DLEC1: variants seen among roughly 807,000 people sequenced by gnomAD.
DLEC1 encodes DLEC1 cilia and flagella associated protein, also known as deleted in lung and esophageal cancer protein 1.
DLEC1 carries 146 observed loss-of-function variants against 198.1 expected under a neutral mutation model. The ratio of observed to expected loss-of-function variants is 0.74; its 90% CI spans 0.64 to 0.85. The LOEUF (loss-of-function observed/expected upper bound fraction) is 0.85. Ranked by LOEUF, DLEC1 falls within the 40% of genes least tolerant of loss-of-function variation. DLEC1 has a pLI of 0.00. For synonymous variants in DLEC1, 897 were observed against 866.8 expected (o/e 1.03, Z -0.61); for missense variants, 2,233 against 2,220.0 (o/e 1.01, Z -0.12).
chr3:38,040,856 T>G (rs1308925286), intron 1 of DLEC1, among the ~76,000 whole-genome samples: 2 of 152,208 alleles, frequency 1.3e-5, no homozygotes, highest in East Asian at 1.9e-4. Flanking sequence ...AAATTTTTTT[T>G]TTTGACAGAG....
rs186959386 is a variant in DLEC1, at chr3:38,044,869, G to A, written c.412-674G>A. 1.7e-3 allele frequency among the ~76,000 whole-genome samples: 264 copies of A among 152,310 alleles called. 5 individuals carry two copies. Among genetic ancestry groups the A allele is most frequent in the South Asian group, 2.1e-4 (1 of 4,824 alleles). ...GGGCATCCAAGTGGACTCTCTGGGC[G>A]CAAGTACTGTGACAGAGTTTGGGCT... is the stretch of plus-strand genomic sequence containing the variant. On this transcript the variant is annotated intron_variant, in intron 1 of 36. Transcript: ENST00000308059.
intron 8 of DLEC1, among the ~76,000 whole-genome samples, chr3:38,085,757 G>C (rs1698420880): frequency 6.6e-6 from 1 of 152,180 alleles, no homozygotes; most frequent in Admixed American, 6.5e-5. Context: ...CTGTGCCACA[G>C]TGGGCAAGGA....
At chr3:38,080,238 A>C (rs974551049) in intron 6 of DLEC1, among the ~76,000 whole-genome samples, 3 of 152,150 alleles carry the variant, frequency 2.0e-5, no homozygotes, top group Admixed American at 1.3e-4. Flanking sequence ...AAGCCGGACC[A>C]GGTGTGAGGA....
intron 21 of DLEC1, 21 bp from the exon 22 acceptor site, chr3:38,109,411 C>A (rs765253765): frequency 6.2e-7 from 1 of 1,613,980 alleles, no homozygotes; most frequent in South Asian, 1.1e-5. Flanking sequence ...TGGTCTGACC[C>A]CTGGATGGGC....
chr3:38,092,507 CTTA>C (rs1575185597), intron 10 of DLEC1, among the ~76,000 whole-genome samples: 2 of 152,138 alleles, frequency 1.3e-5, no homozygotes, highest in African/African-American at 2.4e-5. Flanking sequence ...TGACATTTCT[CTTA>C]TTATGAATGA....
chr3:38,057,626 TTTTA>T (rs1428414831), intron 2 of DLEC1, among the ~76,000 whole-genome samples: 1 of 152,198 alleles, frequency 6.6e-6, no homozygotes, highest in African/African-American at 2.4e-5. Flanking sequence ...CATGCAGAAG[TTTTA>T]TTTGTTTTTA....
chr3:38,097,100 C>T, intron 15 of DLEC1, 82 bp from the exon 16 acceptor site: 1 of 1,329,004 alleles, frequency 7.5e-7, no homozygotes, highest in South Asian at 1.4e-5. Context: ...TTTACGAGCC[C>T]ACAATCCTAC....
chr3:38,110,871 TAC>T (rs370299447), intron 23 of DLEC1, among the ~76,000 whole-genome samples: 3 of 151,964 alleles, frequency 2.0e-5, no homozygotes, highest in Non-Finnish European at 4.4e-5. Context: ...CACATATACA[TAC>T]ACATGCATAG....
rs1489007153 is a variant in DLEC1 at position 38,062,700 on chromosome 3, T to G, written c.993T>G (p.Arg331=). The G allele has an allele frequency of 1.9e-6, 3 of 1,614,030 alleles. No homozygotes were observed. Among genetic ancestry groups the G allele is most frequent in the East Asian group, 2.2e-5 (1 of 44,876 alleles). Residue 331 remains arginine, a synonymous_variant, in exon 5 of 37, where the codon CGT becomes CGG. Transcript: ENST00000308059. ...ESRNHFLKNP[R]FFPPNTRYGG... ...GGAACCACTTCCTAAAAAATCCCCG[T>G]TTTTTTCCTCCTAACACTCGATATG...
rs1559430412 is a variant in DLEC1 at position 38,084,478 on chromosome 3, T to TA, written c.1261+233_1261+234insA. Among the ~76,000 whole-genome samples the TA allele has an allele frequency of 2.3e-4, 35 of 149,462 alleles. 2 individuals carry two copies. The highest frequency in any genetic ancestry group is 3.6e-4 in the Non-Finnish European group (24 of 67,578). ...GTAGTAGTAATAGTAGTGGTGGTGGTGGTAGTAGTGGTGGTAGTAGTAGTG... is the reference window on the plus strand; with the variant it reads ...GTAGTAGTAATAGTAGTGGTGGTGGTAGGTAGTAGTGGTGGTAGTAGTAGTG... On this transcript the variant is annotated intron_variant, in intron 7 of 36. Coordinates refer to ENST00000308059, the MANE Select transcript of DLEC1 (RefSeq NM_007335.4).
chr3:38,049,852 G>A (rs1701032130), intron 2 of DLEC1, among the ~76,000 whole-genome samples: 1 of 152,176 alleles, frequency 6.6e-6, no homozygotes, highest in Non-Finnish European at 1.5e-5. Flanking sequence ...GGGCTAGTTT[G>A]TGTCAACTTG....
chr3:38,045,140 T>A (rs1700823386), intron 1 of DLEC1, among the ~76,000 whole-genome samples: 1 of 152,198 alleles, frequency 6.6e-6, no homozygotes, highest in South Asian at 2.1e-4. Context: ...GGTGACTCCT[T>A]TTCAGCAGCT....
chr3:38,097,880 C>G lies in DLEC1; in HGVS notation c.2702C>G (p.Ser901Cys), dbSNP rs746254816. Reference sequence around the variant, plus strand: ...TGGCGCATGAAGGAGAGCCCAGTCTCCCTCCAGGAAAGGCCTGAGGATGTA... The same window carrying G: ...TGGCGCATGAAGGAGAGCCCAGTCTGCCTCCAGGAAAGGCCTGAGGATGTA... ...ATWRMKESPV[S>C]LQERPEDVSP... The change falls in exon 18 of 37, where the codon TCC becomes TGC. Residue 901 changes from serine (S) to cysteine (C), a missense_variant. Transcript: ENST00000308059. 6.2e-7 allele frequency: 1 copy of G among 1,614,220 alleles called. No individual in the cohort carries two copies. The highest frequency in any genetic ancestry group is 8.5e-7 in the Non-Finnish European group (1 of 1,180,042).
At chr3:38,059,041 G>C (rs1401417530) in intron 2 of DLEC1, among the ~76,000 whole-genome samples, 1 of 152,004 alleles carries the variant, frequency 6.6e-6, no homozygotes, top group Non-Finnish European at 1.5e-5. Context: ...TACTATTTCT[G>C]GGCTCATCAC....
intron 10 of DLEC1, among the ~76,000 whole-genome samples, chr3:38,088,600 A>G (rs1333200173): frequency 6.6e-6 from 1 of 152,166 alleles, no homozygotes; most frequent in Non-Finnish European, 1.5e-5. Flanking sequence ...TAGCCCTAGC[A>G]TCACATCACA....
chr3:38,102,038 T>G (rs1699332583), intron 19 of DLEC1, among the ~76,000 whole-genome samples: 1 of 152,222 alleles, frequency 6.6e-6, no homozygotes, highest in Admixed American at 6.5e-5. Context: ...CCCACCTTGC[T>G]GAATCCAAGG....
In DLEC1 at chr3:38,059,892, G is replaced by A. The variant is rs1457836120; in HGVS notation, c.673+40G>A. 4.4e-6 allele frequency: 7 copies of A among 1,586,940 alleles called. No homozygotes were observed. The East Asian group carries it at 1.6e-4, about 36-fold the overall frequency. On this transcript the variant is annotated intron_variant, in intron 3 of 36. Transcript: ENST00000308059. Reference sequence around the variant, plus strand: ...CTCTCAAGGCCTCTGATACCATTTGGGGGAAGTTCAGTAGGGCCACGTTGG... The same window carrying A: ...CTCTCAAGGCCTCTGATACCATTTGAGGGAAGTTCAGTAGGGCCACGTTGG...
Position 38,121,631 on chromosome 3 carries a change from G to A in DLEC1, c.4870G>A (p.Val1624Met). The A allele has an allele frequency of 1.2e-6, 2 of 1,613,262 alleles. No homozygotes were observed. Among genetic ancestry groups the A allele is most frequent in the Non-Finnish European group, 1.7e-6 (2 of 1,179,758 alleles). ...AAGGTTGCCTGGTCTCCCACAGGTGGTGCCCCTGCGGGCTGTGGTGGCCGT... is the reference window on the plus strand; with the variant it reads ...AAGGTTGCCTGGTCTCCCACAGGTGATGCCCCTGCGGGCTGTGGTGGCCGT... ...LEYTNQTTQVVPLRAVVAVPE... is the reference protein window; with the variant it reads ...LEYTNQTTQVMPLRAVVAVPE... Residue 1624 changes from valine (V) to methionine (M), a missense_variant, in exon 35 of 37, where the codon GTG (valine) becomes ATG (methionine). Val to Met is a conservative substitution (Grantham distance 21, BLOSUM62 1). Coordinates refer to ENST00000308059, the MANE Select transcript of DLEC1 (RefSeq NM_007335.4).
chr3:38,050,040 T>C (rs1339868421), intron 2 of DLEC1, among the ~76,000 whole-genome samples: 1 of 152,006 alleles, frequency 6.6e-6, no homozygotes, highest in Non-Finnish European at 1.5e-5. Flanking sequence ...GATGATTGAG[T>C]GGCTGTGAGT....
Sources: allele counts gnomAD v4.1 joint callset (sites outside exome capture counted in the v4.1 genomes callset), GRCh38; gene constraint gnomAD v4.1.1; transcripts MANE v1.5; gene names NCBI Gene and HGNC (gene_info 2026-07-23, HGNC 2026-07-21).